Variants in STK10 observed in about 807,000 individuals in gnomAD.
The protein encoded by STK10 is serine/threonine-protein kinase 10.
In STK10, 78 loss-of-function variants were observed where a neutral mutation model predicts 113.8. The ratio of observed to expected loss-of-function variants is 0.69; its 90% CI spans 0.57 to 0.83. The LOEUF is 0.83. Among genes scored for constraint, STK10 ranks in the 40% least tolerant of loss-of-function variants. STK10 has a pLI of 0.00. For synonymous variants in STK10, 465 were observed against 494.7 expected (o/e 0.94, Z 0.80); for missense variants, 1,109 against 1,280.1 (o/e 0.87, Z 2.04).
In STK10 at chr5:172,082,243, T is replaced by C. The variant is rs914576030; in HGVS notation, c.1989+83A>G. On this transcript the variant is annotated intron_variant, in intron 12 of 18. Coordinates refer to ENST00000176763, the MANE Select transcript of STK10 (RefSeq NM_005990.4). This position sits in a 1 kb window ranked among gnomAD's most constrained non-coding sequence, Gnocchi z 4.3. ...CAGCCGTACCCCTCTGCTGCCAAGG[T>C]GAGGTTGAGGCCACGATCACTTGCA... The C allele has an allele frequency of 2.8e-6, 4 of 1,409,112 alleles. No homozygotes were observed. Among genetic ancestry groups the C allele is most frequent in the Non-Finnish European group, 3.7e-6 (4 of 1,072,256 alleles). The allele number at this position is 1,409,112 out of a possible 1,614,324, so 87.3% of individuals were successfully genotyped here. A position where few individuals can be genotyped will look rare whatever the true frequency, so the allele number is the denominator to read the frequency against.
At chr5:172,171,716 A>G (rs1437445637) in intron 1 of STK10, among the ~76,000 whole-genome samples, 1 of 85,828 alleles carries the variant, frequency 1.2e-5, no homozygotes, top group Non-Finnish European at 2.6e-5. Flanking sequence ...CTCTTGTCTT[A>G]AAATAAAATA....
chr5:172,090,169 T>A (rs151248157), intron 10 of STK10, 63 bp downstream of exon 10: 1 of 1,591,072 alleles, frequency 6.3e-7, no homozygotes, highest in East Asian at 2.2e-5. Context: ...AAAGGACCAA[T>A]GCCCACTCCT....
chr5:172,044,773 G>C lies in STK10; in HGVS notation c.*109C>G, dbSNP rs753371415. Reference sequence around the variant, plus strand: ...GCACAGGGCGAGGGGCTGGATTTGAGCTGGCACAGACGCAAGAGGGAAAAG... The same window carrying C: ...GCACAGGGCGAGGGGCTGGATTTGACCTGGCACAGACGCAAGAGGGAAAAG... On this transcript the variant is annotated 3_prime_UTR_variant, in exon 19 of 19. Transcript: ENST00000176763. The surrounding 1 kb of genome is among the most constrained non-coding windows in gnomAD (Gnocchi z 4.5). 4 of 1,574,188 alleles carry C rather than the reference G, an allele frequency of 2.5e-6. No individual in the cohort carries two copies. In the South Asian group the frequency reaches 3.3e-5, roughly 13 times the overall value.
intron 1 of STK10, among the ~76,000 whole-genome samples, chr5:172,174,077 A>G (rs765481408): frequency 3.7e-4 from 54 of 147,074 alleles, no homozygotes; most frequent in Admixed American, 6.1e-4. Context: ...TCATAACCAC[A>G]ATGCGGGGCC....
chr5:172,167,234 A>G (rs1355104527), intron 1 of STK10, among the ~76,000 whole-genome samples: 1 of 139,076 alleles, frequency 7.2e-6, no homozygotes, highest in Non-Finnish European at 1.5e-5. Flanking sequence ...ATTAGTCCAT[A>G]ATAATAGAAA....
chr5:172,051,738 G>T (rs778662070), intron 18 of STK10, among the ~76,000 whole-genome samples: 1 of 152,154 alleles, frequency 6.6e-6, no homozygotes, highest in Non-Finnish European at 1.5e-5. Context: ...CAAGGCAGGC[G>T]AGGAAGAGAG....
Position 172,044,993 on chromosome 5 carries a change from C to T in STK10, c.2796G>A (p.Lys932=). 1 of 1,614,210 alleles carries T rather than the reference C, an allele frequency of 6.2e-7. No individual in the cohort carries two copies. Among genetic ancestry groups the T allele is most frequent in the African/African-American group, 1.3e-5 (1 of 75,066 alleles). Residue 932 remains lysine, a synonymous_variant, in exon 19 of 19, where the codon AAG becomes AAA. Coordinates refer to ENST00000176763, the MANE Select transcript of STK10 (RefSeq NM_005990.4). This position sits in a 1 kb window ranked among gnomAD's most constrained non-coding sequence, Gnocchi z 4.5. ...KALEEDLNQK[K]REQEMFFKLS... ...GCTTGAAGAACATCTCCTGCTCCCG[C>T]TTCTTCTGGTTCAGATCCTCTTCCA...
intron 12 of STK10, among the ~76,000 whole-genome samples, chr5:172,072,735 T>A (rs1324048624): frequency 6.6e-6 from 1 of 152,176 alleles, no homozygotes; most frequent in Non-Finnish European, 1.5e-5. Flanking sequence ...TCTCTACTAT[T>A]CCTATTCAAC....
intron 1 of STK10, among the ~76,000 whole-genome samples, chr5:172,172,118 T>G (rs1394266623): frequency 6.6e-6 from 1 of 152,030 alleles, no homozygotes; most frequent in Admixed American, 6.6e-5. Context: ...TGAACCCAGG[T>G]GGTGGAGGTT....
At chr5:172,078,419 C>G (rs10070968) in intron 12 of STK10, among the ~76,000 whole-genome samples, 20,714 of 151,830 alleles carry the variant, frequency 0.14, 1,511 homozygotes, top group Non-Finnish European at 0.16. Flanking sequence ...TTTGGGAGGC[C>G]GAGGCAGGAG....
intron 1 of STK10, among the ~76,000 whole-genome samples, chr5:172,179,574 T>A (rs571976363): frequency 5.1e-4 from 77 of 152,052 alleles, no homozygotes; most frequent in African/African-American, 1.8e-3. Context: ...GAACGGCCAG[T>A]GTGAAATCAG....
At chr5:172,055,830 G>T (rs567598583) in intron 15 of STK10, 54 bp from the exon 16 acceptor site, 4 of 1,371,482 alleles carry the variant, frequency 2.9e-6, no homozygotes, top group Non-Finnish European at 2.9e-6. Flanking sequence ...GACTCAGAGC[G>T]TGGTCACAGG....
Position 172,133,102 on chromosome 5 carries a change from G to C in STK10, c.322-5681C>G, listed in dbSNP as rs548278529. 2.3e-3 allele frequency among the ~76,000 whole-genome samples: 354 copies of C among 152,310 alleles called. No homozygotes were observed. The highest frequency in any genetic ancestry group is 8.1e-3 in the African/African-American group (338 of 41,554). ...AGCGGGTAATGGCGGAGCATTCCAT[G>C]GGGTTCCAAAGGATGGGAATCCAGC... On this transcript the variant is annotated intron_variant, in intron 2 of 18. Coordinates refer to ENST00000176763, the MANE Select transcript of STK10 (RefSeq NM_005990.4). The surrounding 1 kb of genome is among the most constrained non-coding windows in gnomAD (Gnocchi z 4.9).
intron 14 of STK10, 133 bp downstream of exon 14, chr5:172,061,006 C>T: frequency 7.3e-7 from 1 of 1,372,380 alleles, no homozygotes; most frequent in Non-Finnish European, 9.7e-7. Flanking sequence ...CCCAGGTTTC[C>T]CCATGAAGAA....
chr5:172,061,324 G>A (rs748125438), intron 13 of STK10, 56 bp from the exon 14 acceptor site: 111 of 1,543,536 alleles, frequency 7.2e-5, no homozygotes, highest in Non-Finnish European at 9.5e-5. Context: ...GCACCTCCAT[G>A]TCTCTTCCTA....
Position 172,127,398 on chromosome 5 carries a change from C to G in STK10, c.345G>C (p.Gly115=), listed in dbSNP as rs148451385. Residue 115 remains glycine (G), a synonymous_variant, in exon 3 of 19, where the codon GGG becomes GGC. Coordinates refer to ENST00000176763, the MANE Select transcript of STK10 (RefSeq NM_005990.4). ...KLWIMIEFCP[G]GAVDAIMLEL... is the part of the protein sequence containing the mutation. ...CCAGCATGATGGCGTCCACGGCTCCCCCTGGACAGAACTCAATCATGATCT... is the reference window on the plus strand; with the variant it reads ...CCAGCATGATGGCGTCCACGGCTCCGCCTGGACAGAACTCAATCATGATCT... 18 of 1,613,802 alleles carry G rather than the reference C, an allele frequency of 1.1e-5. No individual in the cohort carries two copies. In the African/African-American group the frequency reaches 2.0e-4, roughly 18 times the overall value.
In STK10 at chr5:172,186,466, A is replaced by C. The variant is rs138092236; in HGVS notation, c.156+1421T>G. ...TGGCGAAACCCCAAGTCTACAAAAA[A>C]TACAAAAATTAGCCGGGCTGTGGTG... On this transcript the variant is annotated intron_variant, in intron 1 of 18. Coordinates refer to ENST00000176763, the MANE Select transcript of STK10 (RefSeq NM_005990.4). 1.4e-4 allele frequency among the ~76,000 whole-genome samples: 22 copies of C among 152,064 alleles called. 1 individual carries two copies. Among genetic ancestry groups the C allele is most frequent in the African/African-American group, 5.3e-4 (22 of 41,492 alleles).
At chr5:172,143,959 C>T (rs984842841) in intron 2 of STK10, among the ~76,000 whole-genome samples, 5 of 152,174 alleles carry the variant, frequency 3.3e-5, no homozygotes, top group African/African-American at 4.8e-5. Flanking sequence ...ATTGTGCAAA[C>T]GAAGCAGGAC....
At position 172,044,877 on chromosome 5, in the gene STK10, G is replaced by T; in HGVS notation, c.*5C>A. On this transcript the variant is annotated 3_prime_UTR_variant, in exon 19 of 19. Coordinates refer to ENST00000176763, the MANE Select transcript of STK10 (RefSeq NM_005990.4). The surrounding 1 kb of genome is among the most constrained non-coding windows in gnomAD (Gnocchi z 4.5). ...CAAGCTGCCAGCCACAGCCCCGGGC[G>T]GTTGTTAAGAAGCATCCGCAGAACT... The T allele has an allele frequency of 1.9e-6, 3 of 1,614,192 alleles. No homozygotes were observed. Among genetic ancestry groups the T allele is most frequent in the Non-Finnish European group, 1.7e-6 (2 of 1,180,044 alleles).
Sources: gnomAD v4.1 joint callset for allele counts (sites outside exome capture counted in the v4.1 genomes callset) on GRCh38, gnomAD v4.1.1 for gene constraint, Gnocchi (gnomAD v3.1) non-coding constraint, MANE v1.5 for transcripts, NCBI Gene and HGNC (gene_info 2026-07-23, HGNC 2026-07-21) for gene names.